The following GCSAML variants were observed in gnomAD, a reference collection of about 807,000 sequenced individuals.
GCSAML encodes germinal center-associated signaling and motility-like protein.
Under a neutral mutation model 13.0 loss-of-function variants are expected in GCSAML, and 9 were observed. The observed-to-expected ratio is 0.69, with a 90% CI of 0.42 to 1.21. The LOEUF is 1.21. Ranked by LOEUF, GCSAML falls within the 50% of genes most tolerant of loss-of-function variation. The pLI is 0.00. For synonymous variants in GCSAML, 37 were observed against 52.9 expected, an observed-to-expected ratio of 0.70 and a Z score of 1.31; for missense variants, 143 against 153.4, an observed-to-expected ratio of 0.93 and a Z score of 0.36.
At chr1:247,573,746 G>A (rs1375297313) in intron 4 of GCSAML, among the ~76,000 whole-genome samples, 1 of 152,118 alleles carries the variant, frequency 6.6e-6, no homozygotes, top group Admixed American at 6.5e-5. Context: ...GGAGCTTGAT[G>A]GAAATAGCAT....
intron 2 of GCSAML, among the ~76,000 whole-genome samples, chr1:247,537,085 C>A (rs1667245443): frequency 6.6e-6 from 1 of 152,180 alleles, no homozygotes; most frequent in Non-Finnish European, 1.5e-5. Flanking sequence ...TTTTTCATCA[C>A]CTCAAATGGA....
intron 2 of GCSAML, among the ~76,000 whole-genome samples, chr1:247,560,114 AAG>A (rs1668073581): frequency 6.6e-6 from 1 of 152,216 alleles, no homozygotes. Flanking sequence ...CACTGTATTT[AAG>A]AGAGAGTGGA....
chr1:247,510,184 G>C (rs956023077), intron 1 of GCSAML, among the ~76,000 whole-genome samples: 1 of 152,174 alleles, frequency 6.6e-6, no homozygotes, highest in East Asian at 1.9e-4. Context: ...TTGAGAACCT[G>C]TTATTAGTCT....
At chr1:247,572,732 G>C (rs112715089) in intron 4 of GCSAML, among the ~76,000 whole-genome samples, 8,997 of 152,346 alleles carry the variant, frequency 0.059, 326 homozygotes, top group African/African-American at 0.066. Flanking sequence ...CTTGAGCACT[G>C]TGCTGGGAGA....
chr1:247,566,048 C>A, intron 4 of GCSAML, 89 bp downstream of exon 4: 3 of 813,628 alleles, frequency 3.7e-6, no homozygotes, highest in Non-Finnish European at 3.8e-6. Flanking sequence ...ATGATTTATT[C>A]AAGAGTAGCA....
At chr1:247,516,812 C>T (rs942572008) in intron 1 of GCSAML, among the ~76,000 whole-genome samples, 6 of 152,134 alleles carry the variant, frequency 3.9e-5, no homozygotes, top group Non-Finnish European at 8.8e-5. Flanking sequence ...AAATTATATT[C>T]GTACAGCCAA....
At chr1:247,572,789 C>T (rs1668669223) in intron 4 of GCSAML, among the ~76,000 whole-genome samples, 1 of 152,198 alleles carries the variant, frequency 6.6e-6, no homozygotes, top group Non-Finnish European at 1.5e-5. Flanking sequence ...ATGTTTAAGT[C>T]CGTTGAAGCT....
At chr1:247,573,838 A>G (rs906660131) in intron 4 of GCSAML, among the ~76,000 whole-genome samples, 2 of 152,044 alleles carry the variant, frequency 1.3e-5, no homozygotes, top group Admixed American at 1.3e-4. Flanking sequence ...ATATTTTTCC[A>G]TTTGTTTGTT....
chr1:247,532,522 G>C, intron 2 of GCSAML: 1 of 1,609,146 alleles, frequency 6.2e-7, no homozygotes, highest in Non-Finnish European at 8.5e-7. Flanking sequence ...TGTATGCTGG[G>C]GGTGGGGCAA....
At chr1:247,540,013 C>G (rs1667356434) in intron 2 of GCSAML, among the ~76,000 whole-genome samples, 1 of 152,152 alleles carries the variant, frequency 6.6e-6, no homozygotes, top group Non-Finnish European at 1.5e-5. Context: ...TCAAAAACGC[C>G]AGGCTCTCAC....
intron 1 of GCSAML, among the ~76,000 whole-genome samples, chr1:247,521,614 G>A (rs376423400): frequency 3.9e-5 from 6 of 152,316 alleles, no homozygotes; most frequent in East Asian, 1.9e-4. Flanking sequence ...GCTCCTAACC[G>A]CGAGTGATCT....
At chr1:247,519,786 A>G (rs1666351177) in intron 1 of GCSAML, among the ~76,000 whole-genome samples, 1 of 152,192 alleles carries the variant, frequency 6.6e-6, no homozygotes, top group Non-Finnish European at 1.5e-5. Flanking sequence ...CAAGCAACCC[A>G]TATGTCTGTA....
intron 2 of GCSAML, among the ~76,000 whole-genome samples, chr1:247,534,376 C>T (rs1398487189): frequency 6.6e-6 from 1 of 152,030 alleles, no homozygotes; most frequent in African/African-American, 2.4e-5. Flanking sequence ...AGAGGCAGGA[C>T]TAGAGTAATA....
chr1:247,515,642 A>G (rs1450294141), intron 1 of GCSAML, among the ~76,000 whole-genome samples: 1 of 152,164 alleles, frequency 6.6e-6, no homozygotes, highest in Non-Finnish European at 1.5e-5. Flanking sequence ...ACTTACAATC[A>G]TGGCAGATGG....
At position 247,526,689 on chromosome 1, in the gene GCSAML, C is replaced by G; in HGVS notation, c.-262-251C>G. ...TACATGAAGTAGAGGGTTCACAGAG[C>G]AGGTTTGGGATGATCCAGGTTTTCT... On this transcript the variant is annotated intron_variant, in intron 1 of 5. Coordinates refer to the GCSAML transcript ENST00000366489. This position sits in a 1 kb window ranked among gnomAD's most constrained non-coding sequence, Gnocchi z 4.8. 1 of 338,868 alleles carries G rather than the reference C, an allele frequency of 3.0e-6. No homozygotes were observed. Among genetic ancestry groups the G allele is most frequent in the African/African-American group, 2.2e-5 (1 of 46,410 alleles). 21.0% of individuals were successfully genotyped at this position (338,868 alleles called of 1,614,324 possible).
At chr1:247,512,385 G>A (rs1666074550) in intron 1 of GCSAML, among the ~76,000 whole-genome samples, 1 of 151,800 alleles carries the variant, frequency 6.6e-6, no homozygotes, top group Non-Finnish European at 1.5e-5. Flanking sequence ...TCTCTAAACT[G>A]GTTATTCTAG....
In GCSAML at chr1:247,577,005, G is replaced by A. The variant is rs573094329; in HGVS notation, c.*2623G>A. ...AACGTTGAAATCCAAGAGCATCAAT[G>A]TCTTCTGGTGGTTCACCATAAGCCA... On this transcript the variant is annotated 3_prime_UTR_variant, in exon 5 of 5. Transcript: ENST00000366488. The A allele has an allele frequency of 2.6e-5, 4 of 152,256 alleles. No homozygotes were observed. The highest frequency in any genetic ancestry group is 3.9e-4 in the East Asian group (2 of 5,172). The allele number at this position is 152,256 out of a possible 1,614,324, so 9.4% of individuals were successfully genotyped here. A position where few individuals can be genotyped will look rare whatever the true frequency, so the allele number is the denominator to read the frequency against.
At chr1:247,557,167 A>G (rs996852847) in intron 2 of GCSAML, among the ~76,000 whole-genome samples, 1 of 152,186 alleles carries the variant, frequency 6.6e-6, no homozygotes, top group Admixed American at 6.5e-5. Flanking sequence ...TTGCTTCTGC[A>G]CCGCATGGTT....
intron 1 of GCSAML, among the ~76,000 whole-genome samples, chr1:247,521,876 G>A (rs568384697): frequency 1.3e-5 from 2 of 151,770 alleles, no homozygotes; most frequent in Admixed American, 1.3e-4. Context: ...CTGCCCGGCT[G>A]CCCAGTCTGG....
Sources: gnomAD v4.1 joint callset for allele counts (sites outside exome capture counted in the v4.1 genomes callset) on GRCh38, gnomAD v4.1.1 for gene constraint, Gnocchi (gnomAD v3.1) non-coding constraint, MANE v1.5 for transcripts, NCBI Gene and HGNC (gene_info 2026-07-23, HGNC 2026-07-21) for gene names.